Variants in ARHGEF11 observed in about 807,000 individuals in gnomAD.
ARHGEF11 encodes Rho guanine nucleotide exchange factor 11, also known as Rho guanine exchange factor (GEF) 11.
In ARHGEF11, 55 loss-of-function variants were observed where a neutral mutation model predicts 193.7. The observed-to-expected ratio is 0.28, with a 90% CI of 0.23 to 0.36. The LOEUF is 0.36. Ranked by LOEUF, ARHGEF11 falls within the 10% of genes least tolerant of loss-of-function variation. The probability of loss-of-function intolerance (pLI) is 1.00; values close to 1 mark genes in which losing one functional copy is unlikely to be tolerated. For synonymous variants in ARHGEF11, 693 were observed against 768.0 expected, an observed-to-expected ratio of 0.90 and a Z score of 1.62; for missense variants, 1,723 against 2,005.6, an observed-to-expected ratio of 0.86 and a Z score of 2.69.
At chr1:156,950,722 C>T (rs1212082997) in intron 22 of ARHGEF11, among the ~76,000 whole-genome samples, 2 of 152,226 alleles carry the variant, frequency 1.3e-5, no homozygotes, top group African/African-American at 4.8e-5. Context: ...CTGCTGCATA[C>T]TGACTTGCTT....
At chr1:156,984,309 C>A in intron 3 of ARHGEF11, 30 bp downstream of exon 3, 6 of 1,538,696 alleles carry the variant, frequency 3.9e-6, no homozygotes, top group Non-Finnish European at 5.3e-6. Context: ...AAGAACTGTC[C>A]ACCGTGGGCA....
intron 1 of ARHGEF11, among the ~76,000 whole-genome samples, chr1:156,993,975 T>A (rs1666127150): frequency 6.6e-6 from 1 of 152,144 alleles, no homozygotes; most frequent in South Asian, 2.1e-4. Flanking sequence ...CCCTTAGGGA[T>A]CCAATTCAGC....
chr1:156,975,609 A>G (rs1663147171), intron 7 of ARHGEF11, among the ~76,000 whole-genome samples: 1 of 152,222 alleles, frequency 6.6e-6, no homozygotes, highest in Non-Finnish European at 1.5e-5. Flanking sequence ...TGTCATATCT[A>G]AGAAACCACT....
chr1:157,014,453 G>A (rs1411642982), intron 1 of ARHGEF11, among the ~76,000 whole-genome samples: 1 of 151,814 alleles, frequency 6.6e-6, no homozygotes, highest in Non-Finnish European at 1.5e-5. Context: ...TGTTGTCCAG[G>A]CTGGAGTGTA....
Position 156,948,389 on chromosome 1 carries a change from T to C in ARHGEF11, c.2035A>G (p.Met679Val), listed in dbSNP as rs753176238. 1 of 1,614,230 alleles carries C rather than the reference T, an allele frequency of 6.2e-7. No individual in the cohort carries two copies. The change falls in exon 23 of 41, where the codon ATG (methionine) becomes GTG (valine). Residue 679 changes from methionine (M) to valine (V), a missense_variant. Met to Val is a conservative substitution (Grantham distance 21). Around this residue, in one of 5 missense-constraint regions of ARHGEF11, gnomAD observed 491 missense variants for 654.5 expected, o/e 0.75. Transcript: ENST00000368194. This position sits in a 1 kb window ranked among gnomAD's most constrained non-coding sequence, Gnocchi z 4.2. ...NVPRSRSDVD[M>V]DAAAEATRLH... Reference sequence around the variant, plus strand: ...CGAGTAGCCTCCGCAGCAGCATCCATGTCAACATCACTGCGAGAGCGGGGC... The same window carrying C: ...CGAGTAGCCTCCGCAGCAGCATCCACGTCAACATCACTGCGAGAGCGGGGC...
chr1:156,936,292 T>C (rs369435916), intron 40 of ARHGEF11: 3 of 701,352 alleles, frequency 4.3e-6, no homozygotes, highest in African/African-American at 1.8e-5. Context: ...AGTTATGACA[T>C]AGCTGTGTCC....
At chr1:156,985,801 C>A (rs1489263555) in intron 2 of ARHGEF11, 2 of 213,410 alleles carry the variant, frequency 9.4e-6, no homozygotes, top group Non-Finnish European at 1.8e-5. Context: ...AGTGGTTATT[C>A]ATAGGTGTGA....
At chr1:156,957,901 T>C in intron 17 of ARHGEF11, 86 bp from the exon 18 acceptor site, 1 of 1,380,024 alleles carries the variant, frequency 7.2e-7, no homozygotes, top group Non-Finnish European at 1.0e-6. Context: ...GGTAAGTTTT[T>C]CCTAGATGAA....
intron 1 of ARHGEF11, among the ~76,000 whole-genome samples, chr1:157,016,241 TA>T (rs1425306090): frequency 6.6e-6 from 1 of 152,150 alleles, no homozygotes; most frequent in Non-Finnish European, 1.5e-5. Context: ...TTTATCTTTT[TA>T]TTTTTTTTGA....
intron 40 of ARHGEF11, among the ~76,000 whole-genome samples, chr1:156,936,497 A>AAAAAAAAAAT (rs370282821): frequency 1.2e-4 from 4 of 33,938 alleles, no homozygotes; most frequent in African/African-American, 4.6e-4. Context: ...AAAAAAAAAA[A>AAAAAAAAAAT]ATATATATAT....
intron 37 of ARHGEF11, 166 bp downstream of exon 37, chr1:156,939,382 C>T (rs1301547200): frequency 2.1e-6 from 2 of 940,032 alleles, no homozygotes; most frequent in Non-Finnish European, 3.2e-6. Flanking sequence ...TGTCCAACTC[C>T]AAAGCCTGCC....
chr1:156,957,857 A>G, intron 17 of ARHGEF11, 42 bp from the exon 18 acceptor site: 1 of 1,610,162 alleles, frequency 6.2e-7, no homozygotes, highest in Non-Finnish European at 8.5e-7. Context: ...CTGCAAAGAC[A>G]GAGGCTGGTC....
At chr1:157,022,338 G>A (rs553449416) in intron 1 of ARHGEF11, among the ~76,000 whole-genome samples, 3 of 152,250 alleles carry the variant, frequency 2.0e-5, no homozygotes, top group South Asian at 4.1e-4. Flanking sequence ...GTTGCAGGAT[G>A]CAAGATCAAG....
At chr1:156,956,360 C>T in intron 19 of ARHGEF11, 60 bp downstream of exon 19, 2 of 1,578,544 alleles carry the variant, frequency 1.3e-6, no homozygotes, top group Non-Finnish European at 1.7e-6. Flanking sequence ...AGGCAATCAC[C>T]CGCCTTGGCA....
intron 1 of ARHGEF11, among the ~76,000 whole-genome samples, chr1:157,012,385 A>G (rs1021144824): frequency 2.0e-5 from 3 of 152,174 alleles, no homozygotes; most frequent in Non-Finnish European, 2.9e-5. Context: ...GGATACTGAA[A>G]AATTCTAAAA....
At chr1:156,955,374 T>A (rs1659797703) in intron 20 of ARHGEF11, among the ~76,000 whole-genome samples, 1 of 152,080 alleles carries the variant, frequency 6.6e-6, no homozygotes, top group Admixed American at 6.5e-5. Flanking sequence ...TTATAGACCC[T>A]TGGATGAAGG....
At chr1:156,985,881 C>T (rs527871154) in intron 2 of ARHGEF11, 9 of 498,342 alleles carry the variant, frequency 1.8e-5, no homozygotes, top group South Asian at 4.7e-5. Flanking sequence ...ACCTCTCCTT[C>T]GGCAACCTGG....
chr1:157,009,034 G>A (rs1005802791), intron 1 of ARHGEF11, among the ~76,000 whole-genome samples: 1 of 152,200 alleles, frequency 6.6e-6, no homozygotes, highest in African/African-American at 2.4e-5. Flanking sequence ...TGCTGATAAG[G>A]TCCATGGGAA....
rs1023685422 is a variant in ARHGEF11, at chr1:156,958,395, A to C, written c.1502+347T>G. Among the ~76,000 whole-genome samples, 3 of 152,192 alleles carry C rather than the reference A, an allele frequency of 2.0e-5. 1 individual carries two copies. The highest frequency in any genetic ancestry group is 4.1e-4 in the South Asian group (2 of 4,832). ...AAGGAACTTTATCCACTGGGCACAC[A>C]CATCACTGGCCTCACTCTCTGTGAC... On this transcript the variant is annotated intron_variant, in intron 17 of 40. Transcript: ENST00000368194.
Sources: allele counts gnomAD v4.1 joint callset (sites outside exome capture counted in the v4.1 genomes callset), GRCh38; gene constraint gnomAD v4.1.1; regional missense constraint gnomAD v4.1.1; non-coding constraint Gnocchi (gnomAD v3.1); transcripts MANE v1.5; gene names NCBI Gene and HGNC (gene_info 2026-07-23, HGNC 2026-07-21).